LRBA: variants seen among roughly 807,000 people sequenced by gnomAD.
LRBA encodes the protein lipopolysaccharide-responsive and beige-like anchor protein.
LRBA carries 176 observed loss-of-function variants against 330.0 expected under a neutral mutation model. The observed-to-expected ratio is 0.53, with a 90% confidence interval of 0.47 to 0.60. LRBA has a LOEUF of 0.60. Ranked by LOEUF, LRBA falls within the 20% of genes least tolerant of loss-of-function variation. LRBA has a pLI of 0.00. For missense variants in LRBA, 3,259 were observed against 3,444.8 expected (o/e 0.95, Z 1.35); for synonymous variants, 1,230 against 1,193.0 (o/e 1.03, Z -0.64).
At chr4:150,432,304 TAAC>T in intron 46 of LRBA, among the ~76,000 whole-genome samples, 1 of 152,208 alleles carries the variant, frequency 6.6e-6, no homozygotes, top group East Asian at 1.9e-4. Context: ...CTCTACTGTT[TAAC>T]ATTTCTTTAG....
At chr4:150,491,309 C>T (rs1758909492) in intron 40 of LRBA, among the ~76,000 whole-genome samples, 1 of 151,890 alleles carries the variant, frequency 6.6e-6, no homozygotes, top group Non-Finnish European at 1.5e-5. Context: ...TGAAGAAATA[C>T]ATATTGCATC....
At chr4:150,898,457 C>T (rs1730354056) in intron 14 of LRBA, among the ~76,000 whole-genome samples, 2 of 151,958 alleles carry the variant, frequency 1.3e-5, no homozygotes, top group Admixed American at 1.3e-4. Flanking sequence ...CTTTTGAAAC[C>T]AAACACTCAT....
chr4:150,448,825 G>A (rs1294707823), intron 44 of LRBA, among the ~76,000 whole-genome samples: 20 of 14,934 alleles, frequency 1.3e-3, no homozygotes, highest in East Asian at 6.2e-3. Flanking sequence ...AAAAAAAAGG[G>A]GGGGGGGGTG....
chr4:150,356,320 T>C (rs758264189), intron 47 of LRBA, among the ~76,000 whole-genome samples: 3 of 152,072 alleles, frequency 2.0e-5, no homozygotes, highest in Non-Finnish European at 4.4e-5. Flanking sequence ...GCTATTCACA[T>C]TTAAGAAGAC....
intron 36 of LRBA, among the ~76,000 whole-genome samples, chr4:150,731,944 T>C (rs891647087): frequency 1.3e-5 from 2 of 152,088 alleles, no homozygotes; most frequent in African/African-American, 2.4e-5. Context: ...TACCAAAATA[T>C]CTCATGTACT....
At chr4:150,406,892 T>C (rs1477744870) in intron 47 of LRBA, among the ~76,000 whole-genome samples, 1 of 152,180 alleles carries the variant, frequency 6.6e-6, no homozygotes, top group Non-Finnish European at 1.5e-5. Flanking sequence ...GCGATCCTCC[T>C]GCCTCAGCCT....
At chr4:150,485,190 C>T (rs1757726947) in intron 42 of LRBA, among the ~76,000 whole-genome samples, 1 of 151,822 alleles carries the variant, frequency 6.6e-6, no homozygotes, top group Admixed American at 6.6e-5. Context: ...TTTTGTCTAC[C>T]TGTTCTCTAA....
intron 42 of LRBA, among the ~76,000 whole-genome samples, chr4:150,480,648 G>C (rs530692533): frequency 1.6e-4 from 24 of 152,146 alleles, no homozygotes; most frequent in African/African-American, 5.8e-4. Context: ...AATATGCTTA[G>C]AAAGCTTATC....
At chr4:150,447,026 C>T (rs964690457) in intron 44 of LRBA, among the ~76,000 whole-genome samples, 2 of 152,070 alleles carry the variant, frequency 1.3e-5, no homozygotes. Context: ...CAGTAAAGCT[C>T]GGATTTAGAA....
chr4:150,344,900 GTCTC>G (rs371359780), intron 48 of LRBA, among the ~76,000 whole-genome samples: 1 of 151,734 alleles, frequency 6.6e-6, no homozygotes, highest in East Asian at 1.9e-4. Context: ...TGGCTCCTGT[GTCTC>G]TCTCTCTCTC....
In LRBA at chr4:150,580,050, G is replaced by C. The variant is rs545629789; in HGVS notation, c.6330+7998C>G. On this transcript the variant is annotated intron_variant, in intron 40 of 56. Coordinates refer to ENST00000651943, the MANE Select transcript of LRBA (RefSeq NM_001364905.1). ...TCCCAGAGCGCCGGCAAGGCCTCCCGGGTTAGAGCCGGGCTCCCACAGGCG... is the reference window on the plus strand; with the variant it reads ...TCCCAGAGCGCCGGCAAGGCCTCCCCGGTTAGAGCCGGGCTCCCACAGGCG... 2.5e-3 allele frequency: 619 copies of C among 244,866 alleles called. 1 individual carries two copies. The highest frequency in any genetic ancestry group is 0.022 in the Middle Eastern group (15 of 672). 15.2% of individuals were successfully genotyped at this position (244,866 alleles called of 1,614,324 possible).
At position 150,819,826 on chromosome 4, in the gene LRBA, T is replaced by C. The variant is rs189316488; in HGVS notation, c.5172-2569A>G. ...AATGTTTCAGTCACAAATAAGATCTTATTCTTTTATTCAGTTCAGTAAATA... is the reference window on the plus strand; with the variant it reads ...AATGTTTCAGTCACAAATAAGATCTCATTCTTTTATTCAGTTCAGTAAATA... On this transcript the variant is annotated intron_variant, in intron 30 of 56. Coordinates refer to ENST00000651943, the MANE Select transcript of LRBA (RefSeq NM_001364905.1). Among the ~76,000 whole-genome samples the C allele has an allele frequency of 6.6e-5, 10 of 152,236 alleles. No homozygotes were observed. In the East Asian group the frequency reaches 1.9e-3, roughly 29 times the overall value.
intron 40 of LRBA, among the ~76,000 whole-genome samples, chr4:150,539,777 G>A (rs1765118422): frequency 6.6e-6 from 1 of 152,132 alleles, no homozygotes; most frequent in Admixed American, 6.6e-5. Context: ...ACATCTAGAA[G>A]TTCACAAAGG....
intron 37 of LRBA, among the ~76,000 whole-genome samples, chr4:150,627,763 T>C (rs1049312808): frequency 6.6e-6 from 1 of 152,078 alleles, no homozygotes; most frequent in Admixed American, 6.5e-5. Flanking sequence ...ACTTAATAGA[T>C]GTAAAAATAT....
chr4:150,736,230 A>G (rs1460885913), intron 35 of LRBA, among the ~76,000 whole-genome samples: 1 of 152,212 alleles, frequency 6.6e-6, no homozygotes, highest in Non-Finnish European at 1.5e-5. Context: ...TTTCTAAAGG[A>G]AGATAATATC....
At chr4:150,970,924 A>G (rs1345098108) in intron 2 of LRBA, 2 of 152,122 alleles carry the variant, frequency 1.3e-5, no homozygotes, top group Non-Finnish European at 2.9e-5. Flanking sequence ...TGGTACTGTT[A>G]TTCTCATTTT....
intron 11 of LRBA, among the ~76,000 whole-genome samples, chr4:150,906,665 C>T (rs1251020758): frequency 6.6e-6 from 1 of 152,056 alleles, no homozygotes; most frequent in Non-Finnish European, 1.5e-5. Flanking sequence ...GACAAATGTT[C>T]ATGATATAGA....
At chr4:150,813,350 T>C (rs534235763) in intron 31 of LRBA, among the ~76,000 whole-genome samples, 4 of 152,236 alleles carry the variant, frequency 2.6e-5, no homozygotes, top group East Asian at 1.9e-4. Flanking sequence ...GAATATCTTT[T>C]AATACTTATT....
chr4:150,803,093 C>CACAA (rs1560837810), intron 33 of LRBA, among the ~76,000 whole-genome samples: 1 of 144,834 alleles, frequency 6.9e-6, no homozygotes, highest in African/African-American at 2.6e-5. Flanking sequence ...TACACACACA[C>CACAA]ACACACACAC....
Sources: allele counts gnomAD v4.1 joint callset (sites outside exome capture counted in the v4.1 genomes callset), GRCh38; gene constraint gnomAD v4.1.1; transcripts MANE v1.5; gene names NCBI Gene and HGNC (gene_info 2026-07-23, HGNC 2026-07-21).